DGAT2: variants seen among roughly 807,000 people sequenced by gnomAD.
DGAT2 encodes the protein diacylglycerol O-acyltransferase 2.
DGAT2 carries 33 observed loss-of-function variants against 48.4 expected under a neutral mutation model. The observed-to-expected ratio is 0.68, with a 90% confidence interval of 0.52 to 0.91. DGAT2 has a LOEUF of 0.91. Among genes scored for constraint, DGAT2 ranks in the 40% least tolerant of loss-of-function variants. The probability of loss-of-function intolerance (pLI) is 0.00; values close to 1 mark genes in which losing one functional copy is unlikely to be tolerated. For missense variants in DGAT2, 446 were observed against 493.7 expected, an observed-to-expected ratio of 0.90 and a Z score of 0.92; for synonymous variants, 191 against 194.1, an observed-to-expected ratio of 0.98 and a Z score of 0.13.
intron 1 of DGAT2, among the ~76,000 whole-genome samples, chr11:75,771,351 C>G (rs920359643): frequency 6.6e-6 from 1 of 152,034 alleles, no homozygotes; most frequent in African/African-American, 2.4e-5. Flanking sequence ...GGGGGCTCTT[C>G]GTTCAGAAGA....
At chr11:75,784,775 T>A (rs1426058270) in intron 2 of DGAT2, 29 bp downstream of exon 2, 1 of 1,613,340 alleles carries the variant, frequency 6.2e-7, no homozygotes, top group Non-Finnish European at 8.5e-7. Flanking sequence ...GGAGGGCAGG[T>A]GGGCAGGCAG....
intron 3 of DGAT2, 140 bp from the exon 4 acceptor site, chr11:75,790,521 T>G: frequency 1.1e-6 from 1 of 878,820 alleles, no homozygotes; most frequent in Non-Finnish European, 1.9e-6. Flanking sequence ...AAGGAATGAA[T>G]GTGGAAAGGG....
At chr11:75,782,036 G>A (rs1267382588) in intron 1 of DGAT2, among the ~76,000 whole-genome samples, 4 of 152,058 alleles carry the variant, frequency 2.6e-5, no homozygotes, top group Non-Finnish European at 5.9e-5. Context: ...TCAAGGTAGG[G>A]AGCTAGATAA....
At chr11:75,777,917 C>T (rs564891506) in intron 1 of DGAT2, among the ~76,000 whole-genome samples, 3 of 152,280 alleles carry the variant, frequency 2.0e-5, no homozygotes, top group Non-Finnish European at 2.9e-5. Flanking sequence ...TACATTAATA[C>T]GTAGGTGTTT....
Position 75,800,541 on chromosome 11 carries a change from C to A in DGAT2, c.*33C>A, listed in dbSNP as rs1945101786. 6.2e-7 allele frequency: 1 copy of A among 1,607,168 alleles called. No homozygotes were observed. The highest frequency in any genetic ancestry group is 8.5e-7 in the Non-Finnish European group (1 of 1,176,602). On this transcript the variant is annotated 3_prime_UTR_variant, in exon 8 of 8. Coordinates refer to ENST00000228027, the MANE Select transcript of DGAT2 (RefSeq NM_032564.5). Reference sequence around the variant, plus strand: ...TTCGGGGCCAATTCCCTGGAGGAACCAGCTGCAAATCACTTTTTTGCTCTG... The same window carrying A: ...TTCGGGGCCAATTCCCTGGAGGAACAAGCTGCAAATCACTTTTTTGCTCTG...
chr11:75,775,473 T>C (rs139196786), intron 1 of DGAT2, among the ~76,000 whole-genome samples: 7 of 152,344 alleles, frequency 4.6e-5, no homozygotes, highest in Non-Finnish European at 8.8e-5. Context: ...TAAAGCGAAT[T>C]GTTAATCTTT....
intron 4 of DGAT2, among the ~76,000 whole-genome samples, chr11:75,791,957 A>G (rs1183348432): frequency 1.3e-5 from 2 of 152,226 alleles, no homozygotes; most frequent in African/African-American, 4.8e-5. Flanking sequence ...AGCTGTCTGT[A>G]TGATGAAAAG....
Position 75,778,532 on chromosome 11 carries a change from G to A in DGAT2, c.122-6086G>A, listed in dbSNP as rs900014952. 2.6e-5 allele frequency among the ~76,000 whole-genome samples: 4 copies of A among 152,070 alleles called. No homozygotes were observed. In the East Asian group the frequency reaches 5.8e-4, roughly 22 times the overall value. ...AACAAATGCCACATGTGCCTTAAAC[G>A]TTTTAAAATTTAATGTTCCTGGCTG... On this transcript the variant is annotated intron_variant, in intron 1 of 7. Coordinates refer to ENST00000228027, the MANE Select transcript of DGAT2 (RefSeq NM_032564.5).
At chr11:75,770,329 G>T (rs1944745066) in intron 1 of DGAT2, among the ~76,000 whole-genome samples, 1 of 152,054 alleles carries the variant, frequency 6.6e-6, no homozygotes, top group Non-Finnish European at 1.5e-5. Context: ...TTATCGCTGT[G>T]GTTATCTGCC....
At chr11:75,791,616 C>G (rs1944991091) in intron 4 of DGAT2, among the ~76,000 whole-genome samples, 1 of 152,218 alleles carries the variant, frequency 6.6e-6, no homozygotes, top group Non-Finnish European at 1.5e-5. Context: ...TTATTGAATT[C>G]AGGGCCCAGG....
At position 75,800,369 on chromosome 11, in the gene DGAT2, C is replaced by T. The variant is rs1029608416; in HGVS notation, c.1028C>T (p.Thr343Ile). The T allele has an allele frequency of 5.0e-6, 8 of 1,614,154 alleles. No homozygotes were observed. In the East Asian group the frequency reaches 1.1e-4, roughly 22 times the overall value. The change falls in exon 8 of 8, where the codon ACC becomes ATC. Residue 343 changes from threonine to isoleucine, a missense_variant. Physicochemically the swap from Thr to Ile is moderately conservative, Grantham distance 89 (BLOSUM62 -1). Coordinates refer to ENST00000228027, the MANE Select transcript of DGAT2 (RefSeq NM_032564.5). ...PITTVVGEPI[T>I]IPKLEHPTQQ... ...GTCCCTGCAGTGGGAGAGCCCATCA[C>T]CATCCCCAAGCTGGAGCACCCAACC...
Position 75,796,365 on chromosome 11 carries a change from A to G in DGAT2, c.467A>G (p.Tyr156Cys), listed in dbSNP as rs769135846. ...KTHNLLTTRN[Y>C]IFGYHPHGIM... ...CACAACCTGCTGACCACCAGGAACT[A>G]TATCTTTGGATACCACCCCCATGGT... Residue 156 changes from tyrosine (Y) to cysteine (C), a missense_variant, in exon 5 of 8, where the codon TAT (tyrosine) becomes TGT (cysteine). Coordinates refer to ENST00000228027, the MANE Select transcript of DGAT2 (RefSeq NM_032564.5). 4.3e-6 allele frequency: 7 copies of G among 1,614,108 alleles called. No individual in the cohort carries two copies. The highest frequency in any genetic ancestry group is 4.5e-5 in the East Asian group (2 of 44,884).
chr11:75,781,247 C>T (rs925266212), intron 1 of DGAT2, among the ~76,000 whole-genome samples: 1 of 152,256 alleles, frequency 6.6e-6, no homozygotes, highest in Non-Finnish European at 1.5e-5. Context: ...CCTTCTCTTT[C>T]CAAAGGCTTC....
At position 75,797,193 on chromosome 11, in the gene DGAT2, T is replaced by C. The variant is rs1444731655; in HGVS notation, c.670T>C (p.Leu224=). The C allele has an allele frequency of 6.4e-7, 1 of 1,550,456 alleles. No individual in the cohort carries two copies. The highest frequency in any genetic ancestry group is 2.4e-5 in the East Asian group (1 of 40,858). ...TGTCAGCCGGGACACCATAGACTAT[T>C]TGCTTTCAAAGAATGGGAGTGGCAA... ...CPVSRDTIDY[L]LSKNGSGNAI... The change falls in exon 6 of 8, where the codon TTG becomes CTG. Residue 224 remains leucine (L), a synonymous_variant. Coordinates refer to ENST00000228027, the MANE Select transcript of DGAT2 (RefSeq NM_032564.5).
At chr11:75,789,425 C>T (rs150291416) in intron 2 of DGAT2, among the ~76,000 whole-genome samples, 130 of 152,258 alleles carry the variant, frequency 8.5e-4, no homozygotes, top group African/African-American at 2.7e-3. Context: ...GCTGGGATTA[C>T]GGGTGTGAGC....
chr11:75,799,215 C>T (rs139364873), intron 7 of DGAT2, among the ~76,000 whole-genome samples: 6 of 152,268 alleles, frequency 3.9e-5, no homozygotes, highest in African/African-American at 1.2e-4. Flanking sequence ...CATTTCCATG[C>T]ACAGGTGTGG....
intron 7 of DGAT2, among the ~76,000 whole-genome samples, chr11:75,798,771 C>T (rs374263698): frequency 3.9e-5 from 6 of 152,068 alleles, no homozygotes; most frequent in South Asian, 4.1e-4. Flanking sequence ...GGAGTCATAG[C>T]GGACCCCAGG....
rs1449229021 is a variant in DGAT2, at chr11:75,769,093, C to T, written c.102C>T (p.Arg34=). Reference sequence around the variant, plus strand: ...CTCACGGAGGACCTGCGCTGTCGCGCGAGGGGTCTGGGAGATGGGGTGAGT... The same window carrying T: ...CTCACGGAGGACCTGCGCTGTCGCGTGAGGGGTCTGGGAGATGGGGTGAGT... ...QRSHGGPALS[R]EGSGRWGTGS... is the part of the protein sequence containing the mutation. The change falls in exon 1 of 8, where the codon CGC becomes CGT. Residue 34 remains arginine, a synonymous_variant. Transcript: ENST00000228027. 3 of 1,569,984 alleles carry T rather than the reference C, an allele frequency of 1.9e-6. No individual in the cohort carries two copies. The highest frequency in any genetic ancestry group is 4.9e-5 in the East Asian group (2 of 40,416).
At chr11:75,772,038 T>TGA (rs1372827360) in intron 1 of DGAT2, among the ~76,000 whole-genome samples, 2 of 152,140 alleles carry the variant, frequency 1.3e-5, no homozygotes, top group Non-Finnish European at 2.9e-5. Context: ...CAGATCCATC[T>TGA]CCCAGTCTGT....
Sources: gnomAD v4.1 joint callset for allele counts (sites outside exome capture counted in the v4.1 genomes callset) on GRCh38, gnomAD v4.1.1 for gene constraint, MANE v1.5 for transcripts, NCBI Gene and HGNC (gene_info 2026-07-23, HGNC 2026-07-21) for gene names.